NRG1: variants seen among roughly 807,000 people sequenced by gnomAD.
The protein encoded by NRG1 is neuregulin 1.
A neutral mutation model predicts 63.8 loss-of-function variants in NRG1; 18 were observed. That is an observed-to-expected ratio of 0.28 (90% CI 0.19 to 0.42). NRG1 has a LOEUF of 0.42. NRG1 is among the 10% of genes least tolerant of loss of function. The probability of loss-of-function intolerance (pLI) is 1.00; values close to 1 mark genes in which losing one functional copy is unlikely to be tolerated. For missense variants in NRG1, 762 were observed against 814.7 expected (o/e 0.94, Z 0.79); for synonymous variants, 302 against 301.3 (o/e 1.00, Z -0.02).
chr8:32,595,233 AG>A (rs1367398730), intron 1 of NRG1, among the ~76,000 whole-genome samples: 5 of 152,046 alleles, frequency 3.3e-5, no homozygotes, highest in African/African-American at 1.2e-4. Context: ...TCTGTCACCC[AG>A]GCTGAAGTGC....
At chr8:31,834,803 G>A (rs1825543788) in intron 1 of NRG1, among the ~76,000 whole-genome samples, 1 of 152,166 alleles carries the variant, frequency 6.6e-6, no homozygotes, top group Admixed American at 6.5e-5. Context: ...CTCAGTGATT[G>A]TGTTGTTCTG....
chr8:32,603,908 G>A (rs1282730835), intron 2 of NRG1, among the ~76,000 whole-genome samples: 3 of 152,156 alleles, frequency 2.0e-5, no homozygotes, highest in Admixed American at 1.3e-4. Flanking sequence ...ATTAGGTTCT[G>A]CTGAGTACTT....
intron 1 of NRG1, among the ~76,000 whole-genome samples, chr8:31,762,544 C>A (rs1014180254): frequency 6.6e-6 from 1 of 152,134 alleles, no homozygotes; most frequent in African/African-American, 2.4e-5. Flanking sequence ...GATTTATATG[C>A]CTATGTATAT....
chr8:32,432,565 G>C (rs1034885104), intron 1 of NRG1, among the ~76,000 whole-genome samples: 1 of 152,102 alleles, frequency 6.6e-6, no homozygotes, highest in African/African-American at 2.4e-5. Flanking sequence ...CCAGGCTGGA[G>C]TTCAGTGGCT....
At chr8:32,155,043 T>C (rs1235647282) in intron 1 of NRG1, among the ~76,000 whole-genome samples, 1 of 152,210 alleles carries the variant, frequency 6.6e-6, no homozygotes, top group Non-Finnish European at 1.5e-5. Context: ...ACATGCCTGG[T>C]CCTCAATTGT....
intron 1 of NRG1, among the ~76,000 whole-genome samples, chr8:32,282,848 TA>T (rs1020146401): frequency 1.3e-5 from 2 of 152,056 alleles, no homozygotes; most frequent in Non-Finnish European, 2.9e-5. Flanking sequence ...TTCATACTTG[TA>T]AAAAAAGTGT....
At chr8:32,284,824 C>G (rs1388021958) in intron 1 of NRG1, among the ~76,000 whole-genome samples, 1 of 152,182 alleles carries the variant, frequency 6.6e-6, no homozygotes, top group Non-Finnish European at 1.5e-5. Context: ...ACTGGGATTA[C>G]AGGCATGAGC....
At chr8:32,590,536 AT>A (rs1194916152) in intron 1 of NRG1, among the ~76,000 whole-genome samples, 1 of 152,142 alleles carries the variant, frequency 6.6e-6, no homozygotes, top group Non-Finnish European at 1.5e-5. Flanking sequence ...ACAAGTAAAA[AT>A]TTTTTTGCAC....
chr8:31,927,441 T>C (rs1834455115), intron 1 of NRG1, among the ~76,000 whole-genome samples: 2 of 4,184 alleles, frequency 4.8e-4, no homozygotes, highest in African/African-American at 3.0e-4. Context: ...GAAAACTACT[T>C]TTTTTTTTTT....
chr8:31,910,085 G>A (rs185301796), intron 1 of NRG1, among the ~76,000 whole-genome samples: 2 of 152,182 alleles, frequency 1.3e-5, no homozygotes, highest in Non-Finnish European at 2.9e-5. Context: ...AATTAAGTAC[G>A]CTGACTTATT....
chr8:31,964,432 G>A (rs1175937321), intron 1 of NRG1, among the ~76,000 whole-genome samples: 2 of 152,314 alleles, frequency 1.3e-5, no homozygotes, highest in East Asian at 1.9e-4. Flanking sequence ...CAGTTTGGGA[G>A]GCCAAGGCAG....
intron 1 of NRG1, among the ~76,000 whole-genome samples, chr8:32,584,140 C>T (rs2129533080): frequency 6.6e-6 from 1 of 152,280 alleles, no homozygotes; most frequent in African/African-American, 2.4e-5. Flanking sequence ...TACGGTTTGA[C>T]TTTGGAGGAC....
chr8:32,738,194 G>T (rs1363530966), intron 6 of NRG1, among the ~76,000 whole-genome samples: 2 of 152,050 alleles, frequency 1.3e-5, no homozygotes, highest in Non-Finnish European at 2.9e-5. Flanking sequence ...GGTCAGGATA[G>T]GGTGCAATAC....
chr8:32,222,527 C>T (rs1383277241), intron 1 of NRG1, among the ~76,000 whole-genome samples: 4 of 152,222 alleles, frequency 2.6e-5, no homozygotes, highest in Non-Finnish European at 4.4e-5. Context: ...TCTTGACCCA[C>T]TATAAATCCT....
chr8:32,322,377 A>ATATG (rs35859684), intron 1 of NRG1, among the ~76,000 whole-genome samples: 2 of 150,326 alleles, frequency 1.3e-5, no homozygotes, highest in African/African-American at 4.9e-5. Flanking sequence ...ATATATATAT[A>ATATG]CCCATTAATT....
intron 1 of NRG1, among the ~76,000 whole-genome samples, chr8:32,039,883 A>T (rs1819665434): frequency 6.6e-6 from 1 of 151,930 alleles, no homozygotes; most frequent in Non-Finnish European, 1.5e-5. Context: ...AATTAGCCGG[A>T]AATGGTGGTG....
chr8:31,831,178 T>C (rs1031339336), intron 1 of NRG1, among the ~76,000 whole-genome samples: 3 of 151,988 alleles, frequency 2.0e-5, no homozygotes, highest in African/African-American at 7.3e-5. Flanking sequence ...CTTGGCTTAC[T>C]GCAACATCCG....
intron 1 of NRG1, among the ~76,000 whole-genome samples, chr8:32,579,400 A>G (rs2129530599): frequency 6.6e-6 from 1 of 152,248 alleles, no homozygotes; most frequent in Non-Finnish European, 1.5e-5. Flanking sequence ...TTTACACGCA[A>G]GAAACTGAGG....
At chr8:32,408,089 C>T (rs899595015) in intron 1 of NRG1, among the ~76,000 whole-genome samples, 1 of 152,198 alleles carries the variant, frequency 6.6e-6, no homozygotes, top group African/African-American at 2.4e-5. Context: ...TCCTCCATAA[C>T]TCATCAGAGG....
Sources: gnomAD v4.1 joint callset for allele counts (sites outside exome capture counted in the v4.1 genomes callset) on GRCh38, gnomAD v4.1.1 for gene constraint, MANE v1.5 for transcripts, NCBI Gene and HGNC (gene_info 2026-07-23, HGNC 2026-07-21) for gene names.